Variants in ZDHHC19 observed in about 807,000 individuals in gnomAD.
The protein encoded by ZDHHC19 is palmitoyltransferase ZDHHC19.
ZDHHC19 carries 30 observed loss-of-function variants against 33.9 expected under a neutral mutation model. That is an observed-to-expected ratio of 0.88 (90% CI 0.66 to 1.20). The LOEUF (loss-of-function observed/expected upper bound fraction) is 1.20. Ranked by LOEUF, ZDHHC19 falls within the 50% of genes most tolerant of loss-of-function variation. The probability of loss-of-function intolerance (pLI) is 0.00; values close to 1 mark genes in which losing one functional copy is unlikely to be tolerated. For missense variants in ZDHHC19, 364 were observed against 401.1 expected, an observed-to-expected ratio of 0.91 and a Z score of 0.79; for synonymous variants, 178 against 167.6, an observed-to-expected ratio of 1.06 and a Z score of -0.48.
In ZDHHC19 at chr3:196,198,259, A is replaced by ACC; in HGVS notation, c.*19+16_*19+17insGG. On this transcript the variant is annotated intron_variant, in intron 7 of 7. Transcript: ENST00000296326. The stretch of plus-strand genomic sequence containing the variant: ...TCCCGACACGCACAGACACCCACGC[A>ACC]CACACACGCTTCTTACCTCCTGGAG... 3 of 1,483,690 alleles carry ACC rather than the reference A, an allele frequency of 2.0e-6. No individual in the cohort carries two copies. The highest frequency in any genetic ancestry group is 2.7e-6 in the Non-Finnish European group (3 of 1,118,020). The allele number at this position is 1,483,690 out of a possible 1,614,324, so 91.9% of individuals were successfully genotyped here.
In ZDHHC19 at chr3:196,200,480, A is replaced by T. The variant is rs369295319; in HGVS notation, c.688-1606T>A. Among the ~76,000 whole-genome samples, 3 of 146,508 alleles carry T rather than the reference A, an allele frequency of 2.0e-5. 1 individual carries two copies. Among genetic ancestry groups the T allele is most frequent in the African/African-American group, 7.8e-5 (3 of 38,220 alleles). ...CGCCATTCTCCTGCCTCAGCCTCCC[A>T]AGTAGCTGGGATTACAGGTGCTCGC... On this transcript the variant is annotated intron_variant, in intron 5 of 7. Transcript: ENST00000296326.
intron 5 of ZDHHC19, among the ~76,000 whole-genome samples, chr3:196,201,151 C>T (rs1037946194): frequency 1.3e-5 from 2 of 151,638 alleles, no homozygotes; most frequent in Non-Finnish European, 2.9e-5. Context: ...TGGCTCACTG[C>T]AACCTCCGCC....
chr3:196,211,376 GC>G lies in ZDHHC19; in HGVS notation c.-62del. The G allele has an allele frequency of 6.5e-7, 1 of 1,534,164 alleles. No individual in the cohort carries two copies. Among genetic ancestry groups the G allele is most frequent in the Non-Finnish European group, 8.8e-7 (1 of 1,142,052 alleles). The stretch of plus-strand genomic sequence containing the variant: ...CCACCAGGCTTCCTCCCCCAGCCCA[GC>G]TTCCAGAGCTCCATGGCCACGGCAG... On this transcript the variant is annotated 5_prime_UTR_variant, in exon 1 of 8. Transcript: ENST00000296326.
At chr3:196,198,161 A>T in intron 7 of ZDHHC19, 115 bp downstream of exon 7, 4 of 1,049,110 alleles carry the variant, frequency 3.8e-6, no homozygotes, top group South Asian at 6.3e-5. Flanking sequence ...CCAAGCTCGG[A>T]GCGCTCCAGC....
rs1210254760 is a variant in ZDHHC19 at position 196,198,593 on chromosome 3, G to C, written c.774-142C>G. The stretch of plus-strand genomic sequence containing the variant: ...GCCTCATCCAGGATGCAGCAGCCCT[G>C]TATGCCATAGTGGGGCAGGAACACA... On this transcript the variant is annotated intron_variant, in intron 6 of 7. Coordinates refer to ENST00000296326, the MANE Select transcript of ZDHHC19 (RefSeq NM_001039617.2). 5 of 1,547,920 alleles carry C rather than the reference G, an allele frequency of 3.2e-6. No individual in the cohort carries two copies. In the East Asian group the frequency reaches 9.7e-5, roughly 30 times the overall value.
intron 5 of ZDHHC19, among the ~76,000 whole-genome samples, chr3:196,204,463 A>G (rs1722584331): frequency 6.6e-6 from 1 of 152,248 alleles, no homozygotes; most frequent in Non-Finnish European, 1.5e-5. Context: ...ACTGATCTAT[A>G]GGCTCAATGA....
intron 3 of ZDHHC19, chr3:196,208,914 T>C: frequency 3.3e-6 from 1 of 302,548 alleles, no homozygotes; most frequent in Non-Finnish European, 6.2e-6. Flanking sequence ...AGTAACACCC[T>C]TGCCCAGCCA....
intron 5 of ZDHHC19, among the ~76,000 whole-genome samples, chr3:196,202,673 C>T (rs957733995): frequency 1.3e-5 from 2 of 152,202 alleles, no homozygotes; most frequent in Admixed American, 6.5e-5. Context: ...CGCTTCCCTG[C>T]GTGCAGTTTC....
At chr3:196,201,209 A>ATGC (rs1722319115) in intron 5 of ZDHHC19, among the ~76,000 whole-genome samples, 2 of 151,278 alleles carry the variant, frequency 1.3e-5, no homozygotes, top group Non-Finnish European at 2.9e-5. Context: ...AGTAGCTGGG[A>ATGC]TTACAGGCAC....
chr3:196,200,565 AGGATG>A (rs1722240885), intron 5 of ZDHHC19, among the ~76,000 whole-genome samples: 4 of 150,246 alleles, frequency 2.7e-5, no homozygotes, highest in African/African-American at 9.9e-5. Context: ...CGTGTTAGCC[AGGATG>A]GTCTCGATCT....
At chr3:196,199,923 C>A (rs187300804) in intron 5 of ZDHHC19, among the ~76,000 whole-genome samples, 1 of 150,676 alleles carries the variant, frequency 6.6e-6, no homozygotes, top group African/African-American at 2.5e-5. Context: ...CCAGCCTGGG[C>A]GACAGAGCGA....
In ZDHHC19 at chr3:196,198,242, C is replaced by T. The variant is rs1331326103; in HGVS notation, c.*19+34G>A. ...ACCTGCAGACACCCCCCTCCCGACA[C>T]GCACAGACACCCACGCACACACACG... On this transcript the variant is annotated intron_variant, in intron 7 of 7. Transcript: ENST00000296326. 9 of 1,452,494 alleles carry T rather than the reference C, an allele frequency of 6.2e-6. No individual in the cohort carries two copies. The Admixed American group carries it at 7.7e-5, about 13-fold the overall frequency. The allele number at this position is 1,452,494 out of a possible 1,614,324, so 90.0% of individuals were successfully genotyped here.
Position 196,208,427 on chromosome 3 carries a change from C to G in ZDHHC19, c.542G>C (p.Arg181Pro), listed in dbSNP as rs771248690. The change falls in exon 4 of 8, where the codon CGC becomes CCC. Residue 181 changes from arginine to proline, a missense_variant. Transcript: ENST00000296326. ...MLVTCLIFLV[R>P]TTHLPFSTDK... ...GGTGGAGAAGGGCAGGTGGGTTGTG[C>G]GCACCAGGAAGATGAGACAGGTGAC... is the stretch of plus-strand genomic sequence containing the variant. 2 of 1,614,076 alleles carry G rather than the reference C, an allele frequency of 1.2e-6. No individual in the cohort carries two copies. The highest frequency in any genetic ancestry group is 2.2e-5 in the South Asian group (2 of 91,082).
chr3:196,209,606 G>A, intron 2 of ZDHHC19, 91 bp from the exon 3 acceptor site: 1 of 1,505,300 alleles, frequency 6.6e-7, no homozygotes, highest in South Asian at 1.3e-5. Context: ...CACAAGGAAG[G>A]GTGGGGACAA....
chr3:196,199,321 C>T (rs932804243), intron 5 of ZDHHC19: 5 of 179,272 alleles, frequency 2.8e-5, no homozygotes, highest in South Asian at 1.2e-4. Flanking sequence ...ACTCCCTCTC[C>T]GCCACAGGGC....
In ZDHHC19 at chr3:196,198,446, A is replaced by G. The variant is rs1233447421; in HGVS notation, c.779T>C (p.Met260Thr). 2 of 1,576,672 alleles carry G rather than the reference A, an allele frequency of 1.3e-6. No homozygotes were observed. Among genetic ancestry groups the G allele is most frequent in the Admixed American group, 1.8e-5 (1 of 54,464 alleles). ...TICAPLGPKY[M>T]AEAVQLQRVV... Reference sequence around the variant, plus strand: ...TCTCTGCAGCTGGACAGCTTCAGCCATGTACCTGGGGAGCAGCAGGCCAGA... The same window carrying G: ...TCTCTGCAGCTGGACAGCTTCAGCCGTGTACCTGGGGAGCAGCAGGCCAGA... Residue 260 changes from methionine (M) to threonine (T), a missense_variant, in exon 7 of 8, where the codon ATG becomes ACG. Transcript: ENST00000296326.
At chr3:196,198,509 C>T in intron 6 of ZDHHC19, 58 bp from the exon 7 acceptor site, 1 of 1,591,692 alleles carries the variant, frequency 6.3e-7, no homozygotes, top group South Asian at 1.1e-5. Context: ...GGCTCCCCTG[C>T]CCGCCTCAGC....
intron 5 of ZDHHC19, among the ~76,000 whole-genome samples, chr3:196,205,691 T>A (rs1722675066): frequency 6.6e-6 from 1 of 152,258 alleles, no homozygotes; most frequent in South Asian, 2.1e-4. Context: ...AGACAGAGTC[T>A]GGCTCTGTCT....
At chr3:196,209,594 G>A in intron 2 of ZDHHC19, 79 bp from the exon 3 acceptor site, 2 of 1,533,246 alleles carry the variant, frequency 1.3e-6, no homozygotes, top group Non-Finnish European at 1.8e-6. Flanking sequence ...GGCATCACAG[G>A]GCACAAGGAA....
Sources: allele counts gnomAD v4.1 joint callset (sites outside exome capture counted in the v4.1 genomes callset), GRCh38; gene constraint gnomAD v4.1.1; transcripts MANE v1.5; gene names NCBI Gene and HGNC (gene_info 2026-07-23, HGNC 2026-07-21).